NME7: variants seen among roughly 807,000 people sequenced by gnomAD.
The protein encoded by NME7 is nucleoside diphosphate kinase 7.
In NME7, 41 loss-of-function variants were observed where a neutral mutation model predicts 49.1. The observed-to-expected ratio is 0.83, with a 90% CI of 0.65 to 1.08. The LOEUF (loss-of-function observed/expected upper bound fraction) is 1.08. Among genes scored for constraint, NME7 ranks in the 50% least tolerant of loss-of-function variants. The pLI is 0.00. For synonymous variants in NME7, 139 were observed against 150.6 expected (o/e 0.92, Z 0.56); for missense variants, 423 against 463.4 (o/e 0.91, Z 0.80).
chr1:169,246,393 T>C (rs773322459), intron 7 of NME7, among the ~76,000 whole-genome samples: 1 of 152,220 alleles, frequency 6.6e-6, no homozygotes, highest in Non-Finnish European at 1.5e-5. Context: ...TAGGTCTTAA[T>C]GGATCTCAAA....
intron 10 of NME7, among the ~76,000 whole-genome samples, chr1:169,187,939 C>T (rs1660119952): frequency 6.6e-6 from 1 of 152,120 alleles, no homozygotes. Context: ...TAAGGTAGGC[C>T]TGGTGGTGAC....
chr1:169,350,984 C>CT (rs966393094), intron 1 of NME7, among the ~76,000 whole-genome samples: 6 of 151,756 alleles, frequency 4.0e-5, no homozygotes, highest in South Asian at 2.1e-4. Context: ...TTTTTTCTTT[C>CT]TTTTTTTTCT....
intron 10 of NME7, among the ~76,000 whole-genome samples, chr1:169,207,209 C>T (rs553621329): frequency 1.2e-4 from 19 of 152,124 alleles, no homozygotes; most frequent in African/African-American, 2.9e-4. Flanking sequence ...AAGAAGGGAA[C>T]GATGCCAGGC....
At chr1:169,345,782 T>A (rs1221781617) in intron 1 of NME7, among the ~76,000 whole-genome samples, 1 of 152,156 alleles carries the variant, frequency 6.6e-6, no homozygotes, top group Non-Finnish European at 1.5e-5. Flanking sequence ...TAGTTGCATA[T>A]ATCTATCCAA....
chr1:169,181,364 T>TACACACACACAC lies in NME7; in HGVS notation c.991-11822_991-11811dup, dbSNP rs58453647. ...AAGAGATTCAGCTCCCTCAAATTCC[T>TACACACACACAC]ACACACACACACACACACACACACA... On this transcript the variant is annotated intron_variant, in intron 10 of 11. Transcript: ENST00000367811. Among the ~76,000 whole-genome samples the TACACACACACAC allele has an allele frequency of 8.3e-3, 759 of 91,540 alleles. 6 individuals are homozygous for TACACACACACAC. The highest frequency in any genetic ancestry group is 0.023 in the African/African-American group (709 of 30,800). 60.1% of individuals were successfully genotyped at this position (91,540 alleles called of 152,430 possible). A position where few individuals can be genotyped will look rare whatever the true frequency, so the allele number is the denominator to read the frequency against.
intron 5 of NME7, among the ~76,000 whole-genome samples, chr1:169,301,698 GA>G (rs1650946347): frequency 6.7e-6 from 1 of 150,162 alleles, no homozygotes; most frequent in East Asian, 2.0e-4. Flanking sequence ...ATTGGATAAA[GA>G]AAATGTGGTA....
chr1:169,242,319 T>G (rs1251680657), intron 7 of NME7, among the ~76,000 whole-genome samples: 1 of 151,934 alleles, frequency 6.6e-6, no homozygotes, highest in Non-Finnish European at 1.5e-5. Context: ...CACATATCTA[T>G]CTATAGATAT....
chr1:169,354,726 A>G (rs1464914489), intron 1 of NME7, among the ~76,000 whole-genome samples: 3 of 143,870 alleles, frequency 2.1e-5, no homozygotes, highest in African/African-American at 5.1e-5. Context: ...ATATATATAC[A>G]CACATACACA....
intron 10 of NME7, among the ~76,000 whole-genome samples, chr1:169,175,900 T>C (rs1659735284): frequency 6.6e-6 from 1 of 152,246 alleles, no homozygotes; most frequent in African/African-American, 2.4e-5. Flanking sequence ...ATGAGGGTAA[T>C]AAAACTTAAT....
chr1:169,276,538 C>T (rs1447275032), intron 7 of NME7, among the ~76,000 whole-genome samples: 1 of 132,690 alleles, frequency 7.5e-6, no homozygotes, highest in African/African-American at 2.5e-5. Context: ...GTGATATCCC[C>T]TTTATCAGTT....
rs377288167 is a variant in NME7, at chr1:169,166,109, C to T, written c.1098+3338G>A. On this transcript the variant is annotated intron_variant, in intron 11 of 11. Coordinates refer to ENST00000367811, the MANE Select transcript of NME7 (RefSeq NM_013330.5). ...AGGCATACCTTAGATAATACTTTTT[C>T]CTTTTTTTCCCCTCAGGCCCTCTTG... Among the ~76,000 whole-genome samples the T allele has an allele frequency of 3.9e-3, 598 of 152,216 alleles. 4 individuals are homozygous for T. The highest frequency in any genetic ancestry group is 7.3e-3 in the Non-Finnish European group (495 of 67,992).
intron 11 of NME7, among the ~76,000 whole-genome samples, chr1:169,149,452 C>T (rs185716505): frequency 1.3e-5 from 2 of 152,218 alleles, no homozygotes; most frequent in East Asian, 3.9e-4. Context: ...CAGTATTTCC[C>T]CCTTATCCCT....
At chr1:169,147,026 T>C (rs1280557081) in intron 11 of NME7, among the ~76,000 whole-genome samples, 1 of 152,202 alleles carries the variant, frequency 6.6e-6, no homozygotes, top group East Asian at 1.9e-4. Context: ...GAGATCAGAA[T>C]AATCCTTTGG....
intron 7 of NME7, chr1:169,285,937 ATATCATCAAATATT>A (rs1650260897): frequency 6.6e-6 from 1 of 152,186 alleles, no homozygotes; most frequent in South Asian, 2.1e-4. Context: ...AAGATTAGAG[ATATCATCAAATATT>A]TACGTATAAA....
At chr1:169,174,587 C>T (rs1459895365) in intron 10 of NME7, among the ~76,000 whole-genome samples, 1 of 152,102 alleles carries the variant, frequency 6.6e-6, no homozygotes, top group Non-Finnish European at 1.5e-5. Flanking sequence ...CTTACACAAA[C>T]CTAGATGATA....
In NME7 at chr1:169,237,668, C is replaced by T. The variant is rs765226537; in HGVS notation, c.774G>A (p.Leu258=). 6 of 1,610,734 alleles carry T rather than the reference C, an allele frequency of 3.7e-6. No individual in the cohort carries two copies. The South Asian group carries it at 6.6e-5, about 18-fold the overall frequency. Residue 258 remains leucine (L), a synonymous_variant, in exon 8 of 12, where the codon CTG becomes CTA. Transcript: ENST00000367811. ...AVSEGLLGKI[L]MAIRDAGFEI... ...CAAAACCTGCATCTCGGATAGCCAT[C>T]AGGATCTTTCCCAACAGTCCTGAAA...
chr1:169,141,244 G>A (rs1384972701), intron 11 of NME7, among the ~76,000 whole-genome samples: 1 of 152,048 alleles, frequency 6.6e-6, no homozygotes, highest in East Asian at 1.9e-4. Flanking sequence ...TGTGATCTGG[G>A]GAAAGAATAA....
intron 7 of NME7, among the ~76,000 whole-genome samples, chr1:169,262,842 G>C (rs1339988840): frequency 7.5e-6 from 1 of 133,950 alleles, no homozygotes; most frequent in Admixed American, 7.3e-5. Flanking sequence ...CAACTCCCAT[G>C]TCCCCCCAGG....
At chr1:169,333,092 G>T (rs1452276854) in intron 1 of NME7, among the ~76,000 whole-genome samples, 1 of 152,070 alleles carries the variant, frequency 6.6e-6, no homozygotes, top group Non-Finnish European at 1.5e-5. Flanking sequence ...AGAAAATGTG[G>T]TACATATACA....
Sources: gnomAD v4.1 joint callset for allele counts (sites outside exome capture counted in the v4.1 genomes callset) on GRCh38, gnomAD v4.1.1 for gene constraint, MANE v1.5 for transcripts, NCBI Gene and HGNC (gene_info 2026-07-23, HGNC 2026-07-21) for gene names.